CGNL1: variants seen among roughly 807,000 people sequenced by gnomAD.
CGNL1 encodes cingulin-like protein 1.
A neutral mutation model predicts 141.2 loss-of-function variants in CGNL1; 132 were observed. The ratio of observed to expected loss-of-function variants is 0.93; its 90% confidence interval spans 0.81 to 1.08. The LOEUF is 1.08. Ranked by LOEUF, CGNL1 falls within the 50% of genes least tolerant of loss-of-function variation. The pLI, the probability that CGNL1 is intolerant of heterozygous loss-of-function variation, is 0.00. For synonymous variants in CGNL1, 690 were observed against 622.1 expected (o/e 1.11, Z -1.63); for missense variants, 1,870 against 1,588.6 (o/e 1.18, Z -3.01).
intron 8 of CGNL1, among the ~76,000 whole-genome samples, chr15:57,496,626 A>G (rs2152384021): frequency 6.6e-6 from 1 of 152,250 alleles, no homozygotes; most frequent in Non-Finnish European, 1.5e-5. Context: ...TAAAGGAATG[A>G]TCAAGAAAGA....
At chr15:57,394,735 T>TG (rs2062583948) in intron 1 of CGNL1, among the ~76,000 whole-genome samples, 1 of 152,250 alleles carries the variant, frequency 6.6e-6, no homozygotes, top group Non-Finnish European at 1.5e-5. Context: ...CAGGGTGGTG[T>TG]GGCTGGAGAT....
chr15:57,384,877 CAG>C (rs1298357839), intron 1 of CGNL1, among the ~76,000 whole-genome samples: 1 of 152,152 alleles, frequency 6.6e-6, no homozygotes, highest in Non-Finnish European at 1.5e-5. Flanking sequence ...GATATCTAAA[CAG>C]AAAAACAGAC....
chr15:57,504,969 G>A (rs1342420066), intron 8 of CGNL1, among the ~76,000 whole-genome samples: 8 of 152,192 alleles, frequency 5.3e-5, no homozygotes, highest in African/African-American at 1.7e-4. Context: ...CCTGGGGAAG[G>A]TCTTGGATTA....
chr15:57,376,715 C>T (rs2062366916), intron 1 of CGNL1, 148 bp downstream of exon 1: 1 of 151,686 alleles, frequency 6.6e-6, no homozygotes, highest in Non-Finnish European at 1.5e-5. Context: ...CTCTCGGTGA[C>T]CCGCGCCGCG....
intron 7 of CGNL1, among the ~76,000 whole-genome samples, chr15:57,458,567 G>T (rs1042386234): frequency 6.6e-5 from 10 of 152,198 alleles, no homozygotes; most frequent in African/African-American, 2.4e-4. Context: ...ACATAAGTGT[G>T]GGGAGAGGAA....
intron 1 of CGNL1, among the ~76,000 whole-genome samples, chr15:57,401,723 C>T (rs8035674): frequency 0.027 from 4,134 of 152,282 alleles, 205 homozygotes; most frequent in African/African-American, 0.094. Flanking sequence ...TTCCTTATGA[C>T]GCATTCTGTG....
At position 57,518,517 on chromosome 15, in the gene CGNL1, G is replaced by T; in HGVS notation, c.2715+20G>T. 1 of 1,522,768 alleles carries T rather than the reference G, an allele frequency of 6.6e-7. No individual in the cohort carries two copies. The highest frequency in any genetic ancestry group is 9.1e-7 in the Non-Finnish European group (1 of 1,104,484). 94.3% of individuals were successfully genotyped at this position (1,522,768 alleles called of 1,614,324 possible). A position where few individuals can be genotyped will look rare whatever the true frequency, so the allele number is the denominator to read the frequency against. On this transcript the variant is annotated intron_variant, in intron 10 of 18. Transcript: ENST00000281282. Reference sequence around the variant, plus strand: ...GCTCAGGTAAACACCAAGGGCTGTTGTCATTACTCCCTCAAGAAGAATGCA... The same window carrying T: ...GCTCAGGTAAACACCAAGGGCTGTTTTCATTACTCCCTCAAGAAGAATGCA...
intron 8 of CGNL1, among the ~76,000 whole-genome samples, chr15:57,486,360 C>T (rs1268877914): frequency 1.3e-5 from 2 of 151,284 alleles, no homozygotes; most frequent in African/African-American, 4.9e-5. Flanking sequence ...GGGAAGAGGT[C>T]GTGGGGGGAA....
intron 1 of CGNL1, among the ~76,000 whole-genome samples, chr15:57,378,363 G>GTTTTTTTTTTTTTTTTTTTTTTTTT: frequency 2.9e-5 from 1 of 33,918 alleles, no homozygotes; most frequent in Non-Finnish European, 5.5e-5. Context: ...CCCTCTATGT[G>GTTTTTTTTTTTTTTTTTTTTTTTTT]TTTTTTTTTT....
intron 1 of CGNL1, among the ~76,000 whole-genome samples, chr15:57,415,844 T>A (rs1425609065): frequency 6.6e-6 from 1 of 152,240 alleles, no homozygotes; most frequent in Non-Finnish European, 1.5e-5. Flanking sequence ...GGGCTCCTTC[T>A]GTAGTAGCTC....
rs1402463972 is a variant in CGNL1, at chr15:57,524,729, C to T, written c.3017C>T (p.Thr1006Ile). Residue 1006 changes from threonine to isoleucine, a missense_variant, in exon 12 of 19, where the codon ACA becomes ATA. Transcript: ENST00000281282. ...KTLEAEKSRL[T>I]AMKMQDEMRL... ...CTGGAGGCAGAAAAGTCCCGACTGA[C>T]AGCCATGAAAATGCAGGATGAGGTA... The T allele has an allele frequency of 3.1e-6, 5 of 1,614,054 alleles. No individual in the cohort carries two copies. The African/African-American group carries it at 6.7e-5, about 22-fold the overall frequency.
At chr15:57,504,212 C>G (rs1233023376) in intron 8 of CGNL1, among the ~76,000 whole-genome samples, 4 of 152,216 alleles carry the variant, frequency 2.6e-5, no homozygotes, top group South Asian at 2.1e-4. Flanking sequence ...ACTTTACACA[C>G]ATTACATTTC....
chr15:57,520,918 T>C (rs1389727176), intron 10 of CGNL1, among the ~76,000 whole-genome samples: 1 of 152,172 alleles, frequency 6.6e-6, no homozygotes, highest in Middle Eastern at 3.2e-3. Flanking sequence ...TATGAGCCAA[T>C]TGGGACCTCA....
chr15:57,467,686 C>CTCTGTCT (rs770533858), intron 8 of CGNL1, among the ~76,000 whole-genome samples: 2 of 107,416 alleles, frequency 1.9e-5, no homozygotes, highest in African/African-American at 3.5e-5. Flanking sequence ...GAGTCTCTGT[C>CTCTGTCT]TTTTTTTTTT....
chr15:57,470,236 ATC>A (rs2063562531), intron 8 of CGNL1, among the ~76,000 whole-genome samples: 1 of 89,828 alleles, frequency 1.1e-5, no homozygotes. Context: ...CTAAAAAAAG[ATC>A]TCTTTTTTTT....
rs191986270 is a variant in CGNL1, at chr15:57,530,183, A to G, written c.3201+1368A>G. Among the ~76,000 whole-genome samples the G allele has an allele frequency of 5.4e-3, 829 of 152,376 alleles. 4 individuals carry two copies. The highest frequency in any genetic ancestry group is 8.3e-3 in the Non-Finnish European group (567 of 68,036). ...CAGTATGGCTTTTAGGCAAGAAGAC[A>G]GTCTTATAAAGAGGTGCTTTTAGCT... On this transcript the variant is annotated intron_variant, in intron 13 of 18. Coordinates refer to ENST00000281282, the MANE Select transcript of CGNL1 (RefSeq NM_032866.5).
At chr15:57,546,383 T>G in intron 18 of CGNL1, 144 bp downstream of exon 18, 2 of 1,008,974 alleles carry the variant, frequency 2.0e-6, no homozygotes. Flanking sequence ...GAGATGAAGG[T>G]GGCTGTGTCC....
chr15:57,450,288 G>T (rs2063306412), intron 4 of CGNL1, among the ~76,000 whole-genome samples: 1 of 151,972 alleles, frequency 6.6e-6, no homozygotes, highest in Admixed American at 6.6e-5. Context: ...TTGTCTGTTT[G>T]TTTTTTGAGA....
In CGNL1 at chr15:57,452,270, C is replaced by T; in HGVS notation, c.2035C>T (p.Leu679Phe). 6.2e-7 allele frequency: 1 copy of T among 1,613,568 alleles called. No individual in the cohort carries two copies. Among genetic ancestry groups the T allele is most frequent in the Non-Finnish European group, 8.5e-7 (1 of 1,179,722 alleles). ...QQRLEESEGE[L>F]RKNLEELFQV... The stretch of plus-strand genomic sequence containing the variant: ...ACGACTGGAAGAAAGTGAAGGGGAG[C>T]TCCGGAAGAATCTGGAGGAGTAAGT... The change falls in exon 6 of 19, where the codon CTC becomes TTC. Residue 679 changes from leucine (L) to phenylalanine (F), a missense_variant. Leu to Phe is a conservative substitution (Grantham distance 22). Coordinates refer to ENST00000281282, the MANE Select transcript of CGNL1 (RefSeq NM_032866.5).
Sources: allele counts gnomAD v4.1 joint callset (sites outside exome capture counted in the v4.1 genomes callset), GRCh38; gene constraint gnomAD v4.1.1; transcripts MANE v1.5; gene names NCBI Gene and HGNC (gene_info 2026-07-23, HGNC 2026-07-21).